The following SEC24D variants were observed in gnomAD, a reference collection of about 807,000 sequenced individuals.
The protein encoded by SEC24D is protein transport protein Sec24D.
A neutral mutation model predicts 116.9 loss-of-function variants in SEC24D; 69 were observed. The ratio of observed to expected loss-of-function variants is 0.59; its 90% CI spans 0.49 to 0.72. SEC24D has a LOEUF of 0.72. SEC24D is among the 30% of genes least tolerant of loss of function. SEC24D has a pLI of 0.00. For missense variants in SEC24D, 1,131 were observed against 1,264.1 expected (o/e 0.89, Z 1.60); for synonymous variants, 405 against 442.8 (o/e 0.91, Z 1.07).
At chr4:118,812,515 C>T (rs907322010) in intron 6 of SEC24D, among the ~76,000 whole-genome samples, 1 of 152,114 alleles carries the variant, frequency 6.6e-6, no homozygotes, top group African/African-American at 2.4e-5. Context: ...GATAAAGATA[C>T]AAGCAGCTGG....
intron 8 of SEC24D, among the ~76,000 whole-genome samples, chr4:118,797,131 G>C (rs1729211798): frequency 6.6e-6 from 1 of 152,176 alleles, no homozygotes; most frequent in South Asian, 2.1e-4. Context: ...TGACACTGCA[G>C]ATTTTCAATG....
At position 118,741,044 on chromosome 4, in the gene SEC24D, A is replaced by G. The variant is rs1468388741; in HGVS notation, c.1996-7T>C. 3 of 1,510,588 alleles carry G rather than the reference A, an allele frequency of 2.0e-6. No homozygotes were observed. Among genetic ancestry groups the G allele is most frequent in the Non-Finnish European group, 2.7e-6 (3 of 1,107,572 alleles). 93.6% of individuals were successfully genotyped at this position (1,510,588 alleles called of 1,614,324 possible). A position where few individuals can be genotyped will look rare whatever the true frequency, so the allele number is the denominator to read the frequency against. ...GTTGTCTATCCAAGTGCATCTAAAA[A>G]ATAAAAGTCTAATCAATGTCCACCA... On this transcript the variant is annotated splice_region_variant and splice_polypyrimidine_tract_variant and intron_variant, in intron 15 of 22. Coordinates refer to ENST00000280551, the MANE Select transcript of SEC24D (RefSeq NM_014822.4).
chr4:118,770,271 T>A (rs533380922), intron 8 of SEC24D, among the ~76,000 whole-genome samples: 6 of 152,320 alleles, frequency 3.9e-5, no homozygotes, highest in African/African-American at 1.4e-4. Flanking sequence ...CAAATGTTTG[T>A]TCTCTTCAGC....
intron 13 of SEC24D, among the ~76,000 whole-genome samples, chr4:118,747,962 C>T (rs541443610): frequency 6.6e-6 from 1 of 152,212 alleles, no homozygotes; most frequent in South Asian, 2.1e-4. Flanking sequence ...ACTTGATTGT[C>T]TTGTTAATAT....
At chr4:118,816,088 A>ATTTTTTTTTT (rs34404398) in intron 4 of SEC24D, among the ~76,000 whole-genome samples, 2 of 101,306 alleles carry the variant, frequency 2.0e-5, no homozygotes. Context: ...CGCCAAGTTC[A>ATTTTTTTTTT]TTTTTTTTTT....
chr4:118,804,923 C>T (rs62329262), intron 7 of SEC24D, among the ~76,000 whole-genome samples: 4 of 140,554 alleles, frequency 2.8e-5, no homozygotes, highest in South Asian at 4.7e-4. Context: ...CACACACACA[C>T]ATATACAAAG....
intron 22 of SEC24D, among the ~76,000 whole-genome samples, chr4:118,724,882 C>T (rs1309969780): frequency 6.6e-6 from 1 of 152,220 alleles, no homozygotes; most frequent in Non-Finnish European, 1.5e-5. Flanking sequence ...CTCACTTCTT[C>T]CTCTCAGGAG....
intron 10 of SEC24D, among the ~76,000 whole-genome samples, chr4:118,759,482 C>T (rs1445441908): frequency 6.6e-6 from 1 of 152,208 alleles, no homozygotes; most frequent in Non-Finnish European, 1.5e-5. Context: ...CCAAGCTTAA[C>T]ATGTATGTAC....
intron 3 of SEC24D, among the ~76,000 whole-genome samples, chr4:118,821,064 T>C (rs553265297): frequency 9.8e-5 from 15 of 152,338 alleles, no homozygotes; most frequent in African/African-American, 3.6e-4. Context: ...GGAATTAAGA[T>C]GCCAAGTTTT....
intron 2 of SEC24D, among the ~76,000 whole-genome samples, chr4:118,826,115 AT>A (rs1730582140): frequency 6.6e-6 from 1 of 152,078 alleles, no homozygotes; most frequent in Non-Finnish European, 1.5e-5. Context: ...ACATTTTTAT[AT>A]TAATTCTACA....
intron 2 of SEC24D, among the ~76,000 whole-genome samples, chr4:118,826,171 T>A (rs1730584680): frequency 6.6e-6 from 1 of 152,122 alleles, no homozygotes; most frequent in Non-Finnish European, 1.5e-5. Context: ...TCAATAAATA[T>A]TATCCTTATA....
chr4:118,783,656 G>A (rs1453644975), intron 8 of SEC24D, among the ~76,000 whole-genome samples: 2 of 152,108 alleles, frequency 1.3e-5, no homozygotes, highest in Non-Finnish European at 2.9e-5. Context: ...TCCAGATTAT[G>A]GTATATGAGA....
At chr4:118,758,448 A>C (rs2110463826) in intron 10 of SEC24D, 1 of 152,340 alleles carries the variant, frequency 6.6e-6, no homozygotes, top group Non-Finnish European at 1.5e-5. Flanking sequence ...ATAGAACGTC[A>C]GGCGTTTTCT....
Position 118,780,906 on chromosome 4 carries a change from GCT to G in SEC24D, c.1042-12597_1042-12596del, listed in dbSNP as rs1491392334. Among the ~76,000 whole-genome samples, 47 of 106,112 alleles carry G rather than the reference GCT, an allele frequency of 4.4e-4. 3 individuals are homozygous for G. The highest frequency in any genetic ancestry group is 6.8e-4 in the South Asian group (2 of 2,960). The allele number at this position is 106,112 out of a possible 152,430, so 69.6% of individuals were successfully genotyped here. ...ATCAGAGACTAGGATTGCAACCCCT[GCT>G]TTTTTTTTTTTTTTTTTTTTTTTTG... On this transcript the variant is annotated intron_variant, in intron 8 of 22. Coordinates refer to ENST00000280551, the MANE Select transcript of SEC24D (RefSeq NM_014822.4).
At chr4:118,802,085 C>T (rs1729467987) in intron 7 of SEC24D, among the ~76,000 whole-genome samples, 1 of 152,052 alleles carries the variant, frequency 6.6e-6, no homozygotes, top group African/African-American at 2.4e-5. Context: ...ATCATTGCAA[C>T]ATAGCATGGT....
At chr4:118,745,225 T>C (rs966248113) in intron 13 of SEC24D, among the ~76,000 whole-genome samples, 165 bp from the exon 14 acceptor site, 2 of 152,176 alleles carry the variant, frequency 1.3e-5, no homozygotes, top group African/African-American at 4.8e-5. Context: ...TACTATTCTA[T>C]TTTACAGATT....
rs1725524450 is a variant in SEC24D, at chr4:118,728,562, T to C, written c.2957A>G (p.Lys986Arg). The C allele has an allele frequency of 1.3e-6, 2 of 1,585,262 alleles. No homozygotes were observed. The highest frequency in any genetic ancestry group is 2.3e-5 in the South Asian group (2 of 87,622). The change falls in exon 22 of 23, where the codon AAG (lysine) becomes AGG (arginine). Residue 986 changes from lysine to arginine, a missense_variant and splice_region_variant. Lys to Arg is a conservative substitution (Grantham distance 26). Transcript: ENST00000280551. ...IIQQKRPYSM[K>R]LTIVKQREQP... is the part of the protein sequence containing the mutation. ...GGAAAAATAAAATTGCTTTCTTACC[T>C]TCATTGAATATGGCCTCTTTTGTTG...
At chr4:118,763,896 G>A (rs564067490) in intron 10 of SEC24D, among the ~76,000 whole-genome samples, 90 of 152,144 alleles carry the variant, frequency 5.9e-4, no homozygotes, top group Admixed American at 3.2e-3. Context: ...ACCAAATTCC[G>A]TGAAAAAACA....
chr4:118,724,864 G>A (rs1254224312), intron 22 of SEC24D, among the ~76,000 whole-genome samples: 1 of 152,194 alleles, frequency 6.6e-6, no homozygotes, highest in Non-Finnish European at 1.5e-5. Context: ...AGAGGAGCGA[G>A]GGTATTTCTC....
Sources: gnomAD v4.1 joint callset for allele counts (sites outside exome capture counted in the v4.1 genomes callset) on GRCh38, gnomAD v4.1.1 for gene constraint, MANE v1.5 for transcripts, NCBI Gene and HGNC (gene_info 2026-07-23, HGNC 2026-07-21) for gene names.